Variants in STPG2 observed in about 807,000 individuals in gnomAD.
The protein encoded by STPG2 is sperm tail PG-rich repeat containing 2, also known as sperm-tail PG-rich repeat-containing protein 2.
Under a neutral mutation model 54.2 loss-of-function variants are expected in STPG2, and 56 were observed. The ratio of observed to expected loss-of-function variants is 1.03; its 90% CI spans 0.83 to 1.29. The LOEUF (loss-of-function observed/expected upper bound fraction) is 1.29. Ranked by LOEUF, STPG2 falls within the 50% of genes most tolerant of loss-of-function variation. The pLI, the probability that STPG2 is intolerant of heterozygous loss-of-function variation, is 0.00. For missense variants in STPG2, 596 were observed against 544.9 expected, an observed-to-expected ratio of 1.09 and a Z score of -0.93; for synonymous variants, 200 against 181.8, an observed-to-expected ratio of 1.10 and a Z score of -0.81.
intron 7 of STPG2, among the ~76,000 whole-genome samples, chr4:97,965,927 G>C (rs528968197): frequency 1.3e-5 from 2 of 152,318 alleles, no homozygotes; most frequent in South Asian, 4.1e-4. Context: ...AAGCAGAAAA[G>C]CTGAAAATTC....
At chr4:97,662,916 T>G (rs1227477124) in intron 10 of STPG2, among the ~76,000 whole-genome samples, 4 of 152,108 alleles carry the variant, frequency 2.6e-5, no homozygotes, top group Non-Finnish European at 4.4e-5. Context: ...AACCTGCACA[T>G]GTACCCCGAA....
chr4:97,732,789 C>T (rs1161492278), intron 9 of STPG2, among the ~76,000 whole-genome samples: 1 of 151,740 alleles, frequency 6.6e-6, no homozygotes, highest in Non-Finnish European at 1.5e-5. Flanking sequence ...CATGAATAGA[C>T]ATTTCACCAA....
At chr4:97,876,611 C>T (rs1159073597) in intron 8 of STPG2, among the ~76,000 whole-genome samples, 1 of 151,816 alleles carries the variant, frequency 6.6e-6, no homozygotes, top group Non-Finnish European at 1.5e-5. Context: ...ATATCTTTTC[C>T]ATACTAATCA....
chr4:97,935,885 G>T (rs974570887), intron 8 of STPG2, among the ~76,000 whole-genome samples: 1 of 151,962 alleles, frequency 6.6e-6, no homozygotes, highest in Non-Finnish European at 1.5e-5. Context: ...CTGTAGATAC[G>T]TATCAGTTAC....
At chr4:97,880,361 G>A (rs181245088) in intron 8 of STPG2, among the ~76,000 whole-genome samples, 16 of 152,234 alleles carry the variant, frequency 1.1e-4, no homozygotes, top group Admixed American at 7.2e-4. Flanking sequence ...ATAGCAACTG[G>A]CAAAGACAGA....
chr4:97,672,160 G>T (rs967530516), intron 10 of STPG2, among the ~76,000 whole-genome samples: 7 of 140,606 alleles, frequency 5.0e-5, no homozygotes, highest in South Asian at 2.3e-4. Flanking sequence ...ACATAAACTG[G>T]TAATTCTTTT....
intron 8 of STPG2, among the ~76,000 whole-genome samples, chr4:97,890,508 AT>A (rs1041322589): frequency 7.3e-4 from 111 of 152,074 alleles, no homozygotes; most frequent in African/African-American, 2.5e-3. Context: ...AAATGATAAC[AT>A]TAGCTTAAAA....
intron 4 of STPG2, among the ~76,000 whole-genome samples, chr4:97,462,727 T>C (rs1729694652): frequency 6.6e-6 from 1 of 152,118 alleles, no homozygotes; most frequent in South Asian, 2.1e-4. Context: ...AATTTATTTT[T>C]GTTCACTGAC....
intron 8 of STPG2, among the ~76,000 whole-genome samples, chr4:97,870,369 T>C (rs1216516250): frequency 2.0e-5 from 3 of 151,442 alleles, no homozygotes; most frequent in African/African-American, 4.8e-5. Flanking sequence ...AAAATAATTT[T>C]CATATAGGTA....
intron 5 of STPG2, among the ~76,000 whole-genome samples, chr4:97,995,798 C>T (rs1337411350): frequency 6.6e-6 from 1 of 152,118 alleles, no homozygotes; most frequent in African/African-American, 2.4e-5. Context: ...CATGGTTTTG[C>T]TGTGTCCCCA....
chr4:97,820,733 A>C (rs1327931950), intron 9 of STPG2, among the ~76,000 whole-genome samples: 2 of 152,144 alleles, frequency 1.3e-5, no homozygotes, highest in Non-Finnish European at 2.9e-5. Flanking sequence ...CTCATGGCAG[A>C]AGGTAAGCAA....
chr4:97,549,229 T>C (rs971205446), intron 4 of STPG2, among the ~76,000 whole-genome samples: 1 of 152,172 alleles, frequency 6.6e-6, no homozygotes, highest in Non-Finnish European at 1.5e-5. Context: ...CATTACACCA[T>C]TGTTGTGAAA....
At chr4:97,687,098 G>A (rs920789097) in intron 10 of STPG2, among the ~76,000 whole-genome samples, 1 of 151,448 alleles carries the variant, frequency 6.6e-6, no homozygotes, top group African/African-American at 2.4e-5. Flanking sequence ...TGGCCACCAC[G>A]CCTGGCTAAA....
chr4:97,868,340 T>C (rs1729866572), intron 8 of STPG2, among the ~76,000 whole-genome samples: 1 of 151,882 alleles, frequency 6.6e-6, no homozygotes, highest in Non-Finnish European at 1.5e-5. Context: ...GGTTCATCTG[T>C]GGAAATCTTA....
At chr4:97,499,269 A>G (rs1242218863) in intron 4 of STPG2, among the ~76,000 whole-genome samples, 5 of 151,974 alleles carry the variant, frequency 3.3e-5, no homozygotes, top group Non-Finnish European at 5.9e-5. Flanking sequence ...TTATGAAACA[A>G]TATGAAAAAG....
intron 9 of STPG2, among the ~76,000 whole-genome samples, chr4:97,822,051 G>A (rs185607308): frequency 2.0e-4 from 30 of 152,262 alleles, no homozygotes; most frequent in Non-Finnish European, 3.4e-4. Context: ...CTGCTACATG[G>A]CCAGGCTGCA....
At chr4:98,107,246 A>T (rs1385526037) in intron 4 of STPG2, among the ~76,000 whole-genome samples, 1 of 152,184 alleles carries the variant, frequency 6.6e-6, no homozygotes, top group Non-Finnish European at 1.5e-5. Flanking sequence ...CTCCACTTTT[A>T]TACTGAATCA....
At chr4:97,644,977 A>G (rs1160250649) in intron 10 of STPG2, among the ~76,000 whole-genome samples, 1 of 152,048 alleles carries the variant, frequency 6.6e-6, no homozygotes, top group Non-Finnish European at 1.5e-5. Flanking sequence ...TAAAGTGCAC[A>G]AGCAAATTGC....
chr4:98,033,198 G>A (rs1736656728), intron 5 of STPG2, among the ~76,000 whole-genome samples: 1 of 151,478 alleles, frequency 6.6e-6, no homozygotes, highest in African/African-American at 2.4e-5. Flanking sequence ...AAAATAGATA[G>A]ACTGCTAGCC....
Sources: allele counts gnomAD v4.1 joint callset (sites outside exome capture counted in the v4.1 genomes callset), GRCh38; gene constraint gnomAD v4.1.1; transcripts MANE v1.5; gene names NCBI Gene and HGNC (gene_info 2026-07-23, HGNC 2026-07-21).